FAM186A: variants seen among roughly 807,000 people sequenced by gnomAD.
FAM186A encodes the protein family with sequence similarity 186 member A.
In FAM186A, 163 loss-of-function variants were observed where a neutral mutation model predicts 216.8. The ratio of observed to expected loss-of-function variants is 0.75; its 90% confidence interval spans 0.66 to 0.86. The LOEUF is 0.86. FAM186A is among the 40% of genes least tolerant of loss of function. The pLI is 0.00. For synonymous variants in FAM186A, 805 were observed against 1,025.3 expected (o/e 0.79, Z 4.10); for missense variants, 2,184 against 2,746.2 (o/e 0.80, Z 4.58).
At chr12:50,387,895 A>T (rs561203841) in intron 1 of FAM186A, among the ~76,000 whole-genome samples, 12 of 152,198 alleles carry the variant, frequency 7.9e-5, no homozygotes, top group Non-Finnish European at 1.8e-4. Flanking sequence ...TTAAAAAGAA[A>T]AGCCTTACCA....
intron 4 of FAM186A, among the ~76,000 whole-genome samples, chr12:50,344,170 T>C (rs1198444470): frequency 6.6e-6 from 1 of 152,014 alleles, no homozygotes; most frequent in African/African-American, 2.4e-5. Context: ...TGTTACATGG[T>C]TATATTGCAT....
rs772512240 is a variant in FAM186A, at chr12:50,354,462, A to G, written c.2370T>C (p.Asn790=). 8.3e-5 allele frequency: 129 copies of G among 1,551,440 alleles called. No individual in the cohort carries two copies. Among genetic ancestry groups the G allele is most frequent in the Non-Finnish European group, 1.1e-4 (128 of 1,146,998 alleles). ...SYESTDPVIN[N]LIQMILAEIE... ...TTTCAGCCAAGATCATTTGTATTAA[A>G]TTGTTAATTACTGGATCTGTGCTCT... The change falls in exon 4 of 8, where the codon AAT becomes AAC. Residue 790 remains asparagine (N), a synonymous_variant. Coordinates refer to ENST00000327337, the MANE Select transcript of FAM186A (RefSeq NM_001145475.3).
At chr12:50,345,997 CAAA>C (rs35925338) in intron 4 of FAM186A, among the ~76,000 whole-genome samples, 9 of 120,794 alleles carry the variant, frequency 7.5e-5, no homozygotes, top group Admixed American at 9.9e-5. Context: ...GACTTTGCCT[CAAA>C]AAAAAAAAAA....
At chr12:50,359,031 C>A (rs2136095870) in intron 3 of FAM186A, among the ~76,000 whole-genome samples, 1 of 152,048 alleles carries the variant, frequency 6.6e-6, no homozygotes, top group East Asian at 1.9e-4. Flanking sequence ...GAAACATGCT[C>A]AGCATCATTT....
At chr12:50,345,117 G>T (rs183032716) in intron 4 of FAM186A, among the ~76,000 whole-genome samples, 296 of 151,930 alleles carry the variant, frequency 1.9e-3, no homozygotes, top group Non-Finnish European at 3.8e-3. Context: ...CCAGGGGTGG[G>T]CAACAAGAGC....
intron 1 of FAM186A, among the ~76,000 whole-genome samples, chr12:50,375,052 C>T (rs1943183886): frequency 6.6e-6 from 1 of 151,986 alleles, no homozygotes; most frequent in Admixed American, 6.6e-5. Context: ...GTGGCATGTG[C>T]CTGTAGTCCC....
intron 1 of FAM186A, among the ~76,000 whole-genome samples, chr12:50,393,213 C>A (rs529258694): frequency 6.6e-6 from 1 of 151,942 alleles, no homozygotes. Flanking sequence ...TATGAGCCAC[C>A]GCTCCCGGCT....
chr12:50,371,524 T>A (rs1004478825), intron 1 of FAM186A, among the ~76,000 whole-genome samples: 1 of 152,214 alleles, frequency 6.6e-6, no homozygotes, highest in African/African-American at 2.4e-5. Flanking sequence ...CAGACTATGC[T>A]GAGTGAATAA....
Position 50,333,962 on chromosome 12 carries a change from T to C in FAM186A, c.6645A>G (p.Leu2215=), listed in dbSNP as rs931883718. The C allele has an allele frequency of 1.9e-6, 3 of 1,551,570 alleles. No individual in the cohort carries two copies. In the African/African-American group the frequency reaches 4.1e-5, roughly 21 times the overall value. ...TCAGGCACTGATTCCGTTTCTGCCC[T>C]AGAGACTTCTGCTTCTCAGTCCAGA... is the stretch of plus-strand genomic sequence containing the variant. ...MQVWTEKQKS[L]GQKRNQCLKK... Residue 2215 remains leucine (L), a synonymous_variant, in exon 5 of 8, where the codon CTA becomes CTG. Coordinates refer to ENST00000327337, the MANE Select transcript of FAM186A (RefSeq NM_001145475.3).
At position 50,351,199 on chromosome 12, in the gene FAM186A, G is replaced by C; in HGVS notation, c.5633C>G (p.Pro1878Arg). ...SIPGDLLESG[P>R]LTFSEQLQEF... The stretch of plus-strand genomic sequence containing the variant: ...CTGGAGCTGCTCAGAGAAGGTTAAG[G>C]GTCCAGATTCCAGGAGGTCCCCAGG... Residue 1878 changes from proline (P) to arginine (R), a missense_variant, in exon 4 of 8, where the codon CCC becomes CGC. Around this residue, in one of 7 missense-constraint regions of FAM186A, gnomAD observed 721 missense variants for 816.4 expected, o/e 0.88. Transcript: ENST00000327337. 3.2e-6 allele frequency: 5 copies of C among 1,551,616 alleles called. No individual in the cohort carries two copies. The highest frequency in any genetic ancestry group is 4.4e-6 in the Non-Finnish European group (5 of 1,146,972).
intron 1 of FAM186A, among the ~76,000 whole-genome samples, chr12:50,375,245 T>C (rs1283164884): frequency 6.6e-6 from 1 of 151,854 alleles, no homozygotes; most frequent in Non-Finnish European, 1.5e-5. Flanking sequence ...ACTAGCGATA[T>C]ACAATTACAA....
chr12:50,360,959 G>T, intron 2 of FAM186A, 33 bp from the exon 3 acceptor site: 2 of 1,484,902 alleles, frequency 1.3e-6, no homozygotes, highest in Admixed American at 2.4e-5. Context: ...TCATTTTTGT[G>T]CAGAAAAATA....
intron 1 of FAM186A, among the ~76,000 whole-genome samples, chr12:50,372,152 G>C (rs116553178): frequency 6.6e-6 from 1 of 151,884 alleles, no homozygotes; most frequent in Non-Finnish European, 1.5e-5. Flanking sequence ...ATAATCAAAC[G>C]TTAAGTATGG....
chr12:50,331,884 C>T, intron 5 of FAM186A, 63 bp from the exon 6 acceptor site: 1 of 1,391,640 alleles, frequency 7.2e-7, no homozygotes, highest in Non-Finnish European at 9.6e-7. Context: ...TTAGAAGGGT[C>T]TTCAGAGCTG....
intron 1 of FAM186A, among the ~76,000 whole-genome samples, chr12:50,373,034 A>G (rs1262453267): frequency 8.0e-5 from 12 of 149,532 alleles, no homozygotes; most frequent in East Asian, 2.0e-4. Flanking sequence ...AAAGAAAGAA[A>G]GAAAGAAAGA....
In FAM186A at chr12:50,353,480, C is replaced by T. The variant is rs975342780; in HGVS notation, c.3352G>A (p.Ala1118Thr). Reference protein sequence around the residue: ...GIPLTPQQAQALEILFTPQQA... With the variant: ...GIPLTPQQAQTLEILFTPQQA... ...TGAGGGGTGAAAAGGATCTCCAGGGCCTGGGCCTGCTGAGGGGTGAGAGGG... is the reference window on the plus strand; with the variant it reads ...TGAGGGGTGAAAAGGATCTCCAGGGTCTGGGCCTGCTGAGGGGTGAGAGGG... The change falls in exon 4 of 8, where the codon GCC (alanine) becomes ACC (threonine). Residue 1118 changes from alanine (A) to threonine (T), a missense_variant. Ala to Thr is a moderately conservative substitution (Grantham distance 58). Around this residue, in one of 7 missense-constraint regions of FAM186A, gnomAD observed 267 missense variants for 446.2 expected, o/e 0.60. Transcript: ENST00000327337. The T allele has an allele frequency of 6.5e-7, 1 of 1,538,148 alleles. No individual in the cohort carries two copies. The highest frequency in any genetic ancestry group is 2.5e-5 in the East Asian group (1 of 40,686).
chr12:50,364,283 G>C (rs904815794), intron 1 of FAM186A, among the ~76,000 whole-genome samples: 1 of 152,100 alleles, frequency 6.6e-6, no homozygotes, highest in Non-Finnish European at 1.5e-5. Context: ...GGCTGGGTGC[G>C]GTGGCTCACG....
At chr12:50,356,345 A>G (rs1419509486) in intron 3 of FAM186A, 97 bp from the exon 4 acceptor site, 2 of 888,528 alleles carry the variant, frequency 2.3e-6, no homozygotes, top group African/African-American at 1.7e-5. Flanking sequence ...TAGATTAACT[A>G]TAACTAATTA....
intron 1 of FAM186A, among the ~76,000 whole-genome samples, chr12:50,393,931 T>C (rs1015381295): frequency 1.3e-5 from 2 of 152,156 alleles, no homozygotes; most frequent in Non-Finnish European, 2.9e-5. Flanking sequence ...CACTCTTTTT[T>C]TCTGTGAGGC....
Sources: allele counts gnomAD v4.1 joint callset (sites outside exome capture counted in the v4.1 genomes callset), GRCh38; gene constraint gnomAD v4.1.1; regional missense constraint gnomAD v4.1.1; transcripts MANE v1.5; gene names NCBI Gene and HGNC (gene_info 2026-07-23, HGNC 2026-07-21).